CCDC7: variants seen among roughly 807,000 people sequenced by gnomAD.
CCDC7 encodes coiled-coil domain containing 7.
In CCDC7, 183 loss-of-function variants were observed where a neutral mutation model predicts 196.9. The observed-to-expected ratio is 0.93, with a 90% CI of 0.82 to 1.05. CCDC7 has a LOEUF of 1.05. Ranked by LOEUF, CCDC7 falls within the 50% of genes least tolerant of loss-of-function variation. The pLI is 0.00. For missense variants in CCDC7, 1,540 were observed against 1,482.2 expected, an observed-to-expected ratio of 1.04 and a Z score of -0.64; for synonymous variants, 525 against 484.6, an observed-to-expected ratio of 1.08 and a Z score of -1.10.
intron 21 of CCDC7, among the ~76,000 whole-genome samples, chr10:32,679,227 T>C (rs561880159): frequency 6.6e-6 from 1 of 152,328 alleles, no homozygotes; most frequent in East Asian, 1.9e-4. Flanking sequence ...TAATTGTCTC[T>C]TAAAGGGTAT....
rs1438214880 is a variant in CCDC7 at position 32,675,966 on chromosome 10, G to A, written c.2123-10004G>A. On this transcript the variant is annotated intron_variant, in intron 21 of 41. Coordinates refer to ENST00000639629, the Ensembl canonical transcript of CCDC7. The stretch of plus-strand genomic sequence containing the variant: ...AAAAGAACAGAGCTGGAGGCATCAC[G>A]CTACCTGACTTCCAACTATACTACA... Among the ~76,000 whole-genome samples the A allele has an allele frequency of 1.1e-4, 16 of 151,508 alleles. No homozygotes were observed. In the East Asian group the frequency reaches 1.4e-3, roughly 13 times the overall value.
rs529050568 is a variant in CCDC7 at position 32,586,386 on chromosome 10, T to G, written c.1801+2082T>G. Among the ~76,000 whole-genome samples, 16 of 152,258 alleles carry G rather than the reference T, an allele frequency of 1.1e-4. No homozygotes were observed. The South Asian group carries it at 3.3e-3, about 32-fold the overall frequency. Reference sequence around the variant, plus strand: ...AGAAACTCTTTAGTTTAATTAGATCTTATTTGTCAATTTTGGCTTTTGTTG... The same window carrying G: ...AGAAACTCTTTAGTTTAATTAGATCGTATTTGTCAATTTTGGCTTTTGTTG... On this transcript the variant is annotated intron_variant, in intron 18 of 41. Coordinates refer to ENST00000639629, the Ensembl canonical transcript of CCDC7.
chr10:32,825,189 T>A (rs117894528), intron 32 of CCDC7, among the ~76,000 whole-genome samples: 5,898 of 152,320 alleles, frequency 0.039, 121 homozygotes, highest in Middle Eastern at 0.051. Flanking sequence ...AGAGCCCTGT[T>A]AAAACAACTC....
chr10:32,594,883 CA>C (rs1416798676), intron 18 of CCDC7, among the ~76,000 whole-genome samples: 2 of 152,196 alleles, frequency 1.3e-5, no homozygotes, highest in Non-Finnish European at 2.9e-5. Flanking sequence ...ACCAGCCTTG[CA>C]TCCCAGGGAT....
At chr10:32,840,890 T>A (rs1030064469) in intron 33 of CCDC7, among the ~76,000 whole-genome samples, 4 of 151,698 alleles carry the variant, frequency 2.6e-5, no homozygotes, top group African/African-American at 9.7e-5. Context: ...TAAACAGAAT[T>A]AAAGACAACA....
chr10:32,642,775 G>A (rs531612022), intron 20 of CCDC7, among the ~76,000 whole-genome samples: 2 of 152,116 alleles, frequency 1.3e-5, no homozygotes, highest in East Asian at 3.9e-4. Flanking sequence ...GACTGGAGCT[G>A]TTCCTGTTCA....
chr10:32,601,100 T>A (rs1314665677), intron 18 of CCDC7, among the ~76,000 whole-genome samples: 1 of 152,182 alleles, frequency 6.6e-6, no homozygotes, highest in African/African-American at 2.4e-5. Flanking sequence ...CTCGCTTGTA[T>A]GTGATGAGTC....
chr10:32,645,036 A>G (rs2067507448), intron 20 of CCDC7, among the ~76,000 whole-genome samples: 1 of 152,218 alleles, frequency 6.6e-6, no homozygotes, highest in Admixed American at 6.5e-5. Context: ...AAATGGGCTA[A>G]AGATGTGAAT....
chr10:32,631,974 A>G (rs1432156894), intron 18 of CCDC7, among the ~76,000 whole-genome samples: 1 of 152,102 alleles, frequency 6.6e-6, no homozygotes, highest in Non-Finnish European at 1.5e-5. Context: ...TGATCTTATA[A>G]TTTGAAATCT....
chr10:32,867,310 A>T (rs570869027), intron 41 of CCDC7, among the ~76,000 whole-genome samples: 6 of 151,628 alleles, frequency 4.0e-5, no homozygotes, highest in Non-Finnish European at 8.9e-5. Flanking sequence ...GGGTAAAGAG[A>T]CATTATGTTT....
chr10:32,707,816 A>T (rs1489247585), intron 24 of CCDC7, among the ~76,000 whole-genome samples: 2 of 152,178 alleles, frequency 1.3e-5, no homozygotes, highest in Admixed American at 1.3e-4. Flanking sequence ...TCAATGAAAT[A>T]AAAGAGGATA....
rs983932396 is a variant in CCDC7, at chr10:32,825,557, A to G, written c.3268+953A>G. Reference sequence around the variant, plus strand: ...CTATATATCTATATCTATATCTTCTATTACTTCTTTCCCTCTAGAGAACCC... The same window carrying G: ...CTATATATCTATATCTATATCTTCTGTTACTTCTTTCCCTCTAGAGAACCC... On this transcript the variant is annotated intron_variant, in intron 32 of 41. Transcript: ENST00000639629. 5.9e-5 allele frequency among the ~76,000 whole-genome samples: 9 copies of G among 152,090 alleles called. No individual in the cohort carries two copies. In the East Asian group the frequency reaches 1.3e-3, roughly 23 times the overall value.
chr10:32,678,583 T>G (rs1012162114), intron 21 of CCDC7, among the ~76,000 whole-genome samples: 1 of 152,090 alleles, frequency 6.6e-6, no homozygotes, highest in East Asian at 1.9e-4. Flanking sequence ...TTTTTTTTGG[T>G]TTTTAGCTAC....
intron 21 of CCDC7, among the ~76,000 whole-genome samples, chr10:32,685,027 TAGAG>T (rs2076308868): frequency 6.6e-6 from 1 of 152,088 alleles, no homozygotes; most frequent in Admixed American, 6.5e-5. Flanking sequence ...GAGGTATACT[TAGAG>T]AAGTTCCATT....
chr10:32,557,514 A>C (rs1466721985), intron 13 of CCDC7, among the ~76,000 whole-genome samples: 1 of 152,090 alleles, frequency 6.6e-6, no homozygotes, highest in East Asian at 1.9e-4. Flanking sequence ...CAGTTGCCTC[A>C]GTATCTGTTA....
At chr10:32,580,035 C>T (rs1169493972) in intron 16 of CCDC7, among the ~76,000 whole-genome samples, 1 of 152,016 alleles carries the variant, frequency 6.6e-6, no homozygotes, top group African/African-American at 2.4e-5. Context: ...AATGAAGGAC[C>T]TTGAGAGTCT....
At chr10:32,784,279 GTAAA>G (rs199966596) in intron 29 of CCDC7, among the ~76,000 whole-genome samples, 6,930 of 149,504 alleles carry the variant, frequency 0.046, 535 homozygotes, top group African/African-American at 0.16. Context: ...TGTTACATAG[GTAAA>G]TGTGTGTTAT....
chr10:32,811,161 G>A (rs1031819401), intron 30 of CCDC7, among the ~76,000 whole-genome samples: 17 of 151,884 alleles, frequency 1.1e-4, no homozygotes, highest in African/African-American at 4.1e-4. Context: ...AAGCAAAAAG[G>A]ATCAGAGCAG....
chr10:32,828,485 GGAAGAAGAA>G (rs68150303), intron 32 of CCDC7, among the ~76,000 whole-genome samples: 2,208 of 49,248 alleles, frequency 0.045, 61 homozygotes, highest in East Asian at 0.053. Flanking sequence ...AAGAGGAAGA[GGAAGAAGAA>G]GAAGAAGAAG....
Sources: gnomAD v4.1 joint callset for allele counts (sites outside exome capture counted in the v4.1 genomes callset) on GRCh38, gnomAD v4.1.1 for gene constraint, MANE v1.5 for transcripts, NCBI Gene and HGNC (gene_info 2026-07-23, HGNC 2026-07-21) for gene names.